RALGAPA2: variants seen among roughly 807,000 people sequenced by gnomAD.
The protein encoded by RALGAPA2 is ral GTPase-activating protein subunit alpha-2.
RALGAPA2 carries 139 observed loss-of-function variants against 230.4 expected under a neutral mutation model. That is an observed-to-expected ratio of 0.60 (90% confidence interval 0.53 to 0.69). RALGAPA2 has a LOEUF of 0.69. Ranked by LOEUF, RALGAPA2 falls within the 30% of genes least tolerant of loss-of-function variation. The pLI, the probability that RALGAPA2 is intolerant of heterozygous loss-of-function variation, is 0.00. For missense variants in RALGAPA2, 2,163 were observed against 2,276.0 expected, an observed-to-expected ratio of 0.95 and a Z score of 1.01; for synonymous variants, 847 against 837.8, an observed-to-expected ratio of 1.01 and a Z score of -0.19.
intron 1 of RALGAPA2, among the ~76,000 whole-genome samples, chr20:20,684,848 G>A (rs2068644851): frequency 6.6e-6 from 1 of 152,168 alleles, no homozygotes; most frequent in Admixed American, 6.5e-5. Flanking sequence ...CTTGGTACAA[G>A]AAAGGTACTT....
intron 14 of RALGAPA2, among the ~76,000 whole-genome samples, chr20:20,608,127 C>A (rs1474617876): frequency 6.6e-6 from 1 of 152,126 alleles, no homozygotes; most frequent in Non-Finnish European, 1.5e-5. Flanking sequence ...TCCTTCAGTA[C>A]TGAAATTTGA....
At chr20:20,413,951 G>A (rs1357341361) in intron 37 of RALGAPA2, among the ~76,000 whole-genome samples, 3 of 152,210 alleles carry the variant, frequency 2.0e-5, no homozygotes, top group East Asian at 3.9e-4. Flanking sequence ...TGCCATTCAC[G>A]TCTCATTATG....
At chr20:20,604,876 T>C (rs1240332358) in intron 15 of RALGAPA2, among the ~76,000 whole-genome samples, 4 of 152,228 alleles carry the variant, frequency 2.6e-5, no homozygotes, top group Non-Finnish European at 5.9e-5. Context: ...CACTAGGTTA[T>C]TATGAAGGTA....
chr20:20,591,129 T>C (rs1383277475), intron 17 of RALGAPA2, 48 bp downstream of exon 17: 6 of 1,587,734 alleles, frequency 3.8e-6, no homozygotes, highest in Non-Finnish European at 5.2e-6. Context: ...CTTTTATTCC[T>C]CTGCCAGAAT....
In RALGAPA2 at chr20:20,493,490, G is replaced by A. The variant is rs1444299136; in HGVS notation, c.5367+1627C>T. 9.2e-5 allele frequency among the ~76,000 whole-genome samples: 14 copies of A among 152,212 alleles called. No homozygotes were observed. The East Asian group carries it at 2.5e-3, about 27-fold the overall frequency. ...ATAATTATATTCATGCATTATAAGTGTACTATCTTTTTAAAAAATCAAAAA... is the reference window on the plus strand; with the variant it reads ...ATAATTATATTCATGCATTATAAGTATACTATCTTTTTAAAAAATCAAAAA... On this transcript the variant is annotated intron_variant, in intron 36 of 39. Coordinates refer to ENST00000202677, the MANE Select transcript of RALGAPA2 (RefSeq NM_020343.4).
At chr20:20,560,019 T>G (rs1037009204) in intron 23 of RALGAPA2, among the ~76,000 whole-genome samples, 2 of 152,124 alleles carry the variant, frequency 1.3e-5, no homozygotes, top group Non-Finnish European at 2.9e-5. Context: ...GCTAACTGGG[T>G]TGAAGGTACC....
chr20:20,568,082 G>A (rs989181910), intron 23 of RALGAPA2, among the ~76,000 whole-genome samples: 41 of 152,038 alleles, frequency 2.7e-4, no homozygotes, highest in African/African-American at 9.4e-4. Flanking sequence ...GCAGAGGGAA[G>A]CGTACTGGGA....
chr20:20,712,106 G>C lies in RALGAPA2; in HGVS notation c.106+269C>G, dbSNP rs1475113609. ...ACAGGGGACAGGTACCTCTGTGCCC[G>C]GCCTCCAGGTTCTCCGGGAGCGCAG... is the stretch of plus-strand genomic sequence containing the variant. On this transcript the variant is annotated intron_variant, in intron 1 of 39. Transcript: ENST00000202677. The surrounding 1 kb of genome is among the most constrained non-coding windows in gnomAD (Gnocchi z 5.5). 6.6e-6 allele frequency among the ~76,000 whole-genome samples: 1 copy of C among 152,140 alleles called. No individual in the cohort carries two copies. The highest frequency in any genetic ancestry group is 1.5e-5 in the Non-Finnish European group (1 of 68,028).
chr20:20,391,819 C>T lies in RALGAPA2; in HGVS notation c.*1470G>A, dbSNP rs555118227. ...GTGGGGAGGCCTCCCGCACAGGGCC[C>T]GCCTTTCCCAGGACCAGCCCACCCA... On this transcript the variant is annotated 3_prime_UTR_variant, in exon 40 of 40. Transcript: ENST00000202677. 179 of 152,914 alleles carry T rather than the reference C, an allele frequency of 1.2e-3. No individual in the cohort carries two copies. Among genetic ancestry groups the T allele is most frequent in the Non-Finnish European group, 2.1e-3 (141 of 68,456 alleles). The allele number at this position is 152,914 out of a possible 1,614,324, so 9.5% of individuals were successfully genotyped here.
intron 1 of RALGAPA2, among the ~76,000 whole-genome samples, chr20:20,686,949 C>T (rs992436401): frequency 3.9e-5 from 6 of 152,142 alleles, no homozygotes; most frequent in African/African-American, 1.4e-4. Flanking sequence ...CAGTTCTCCT[C>T]TAATAGGGAA....
At chr20:20,571,251 A>AACAACAAAACAAAAAAAC (rs2064623655) in intron 23 of RALGAPA2, among the ~76,000 whole-genome samples, 1 of 152,216 alleles carries the variant, frequency 6.6e-6, no homozygotes, top group South Asian at 2.1e-4. Flanking sequence ...CACAATGCAA[A>AACAACAAAACAAAAAAAC]TGCAAAGTCA....
At chr20:20,603,659 C>T (rs893148388) in intron 15 of RALGAPA2, among the ~76,000 whole-genome samples, 5 of 152,148 alleles carry the variant, frequency 3.3e-5, no homozygotes, top group South Asian at 2.1e-4. Flanking sequence ...CCAGTCAACC[C>T]GTAAAAGTAG....
At chr20:20,541,498 G>A (rs922256107) in intron 24 of RALGAPA2, among the ~76,000 whole-genome samples, 2 of 152,118 alleles carry the variant, frequency 1.3e-5, no homozygotes, top group Admixed American at 1.3e-4. Context: ...TATCACAACA[G>A]TCCACCTAAT....
chr20:20,613,754 C>T (rs546506506), intron 13 of RALGAPA2, among the ~76,000 whole-genome samples: 1 of 152,312 alleles, frequency 6.6e-6, no homozygotes, highest in South Asian at 2.1e-4. Flanking sequence ...ACCAGGAATG[C>T]CCTTCCCTTA....
intron 23 of RALGAPA2, among the ~76,000 whole-genome samples, chr20:20,557,171 G>T (rs573831775): frequency 4.3e-4 from 66 of 152,164 alleles, no homozygotes; most frequent in African/African-American, 1.6e-3. Context: ...TTAGCCGGGC[G>T]TGGTGGTGGG....
intron 3 of RALGAPA2, among the ~76,000 whole-genome samples, chr20:20,660,364 T>C (rs1363975244): frequency 6.6e-6 from 1 of 152,224 alleles, no homozygotes; most frequent in Non-Finnish European, 1.5e-5. Flanking sequence ...TGGTAACCTA[T>C]TTAAAATTCT....
In RALGAPA2 at chr20:20,677,628, CAT is replaced by C. The variant is rs1491156152; in HGVS notation, c.218-1342_218-1341del. Among the ~76,000 whole-genome samples the C allele has an allele frequency of 4.3e-3, 526 of 121,778 alleles. 42 individuals carry two copies. Among genetic ancestry groups the C allele is most frequent in the African/African-American group, 0.016 (479 of 29,580 alleles). The allele number at this position is 121,778 out of a possible 152,430, so 79.9% of individuals were successfully genotyped here. On this transcript the variant is annotated intron_variant, in intron 2 of 39. Transcript: ENST00000202677. ...AGCAGCCAAGAATCATGATTTGACC[CAT>C]TTTTTTTTTTTTTTTTTTTTTTTTT...
chr20:20,557,568 T>C (rs1021269848), intron 23 of RALGAPA2, among the ~76,000 whole-genome samples: 2 of 152,188 alleles, frequency 1.3e-5, no homozygotes, highest in African/African-American at 4.8e-5. Flanking sequence ...CTTAAGGTCA[T>C]GGCTGCAAGG....
At chr20:20,701,163 T>C (rs1057380543) in intron 1 of RALGAPA2, among the ~76,000 whole-genome samples, 8 of 152,334 alleles carry the variant, frequency 5.3e-5, no homozygotes, top group East Asian at 1.9e-4. Context: ...CTGCCACTCA[T>C]TGGATGTGTA....
Sources: allele counts gnomAD v4.1 joint callset (sites outside exome capture counted in the v4.1 genomes callset), GRCh38; gene constraint gnomAD v4.1.1; non-coding constraint Gnocchi (gnomAD v3.1); transcripts MANE v1.5; gene names NCBI Gene and HGNC (gene_info 2026-07-23, HGNC 2026-07-21).